The following CAV1 variants were observed in gnomAD, a reference collection of about 807,000 sequenced individuals.
The protein encoded by CAV1 is caveolin-1.
CAV1 carries 10 observed loss-of-function variants against 16.5 expected under a neutral mutation model. The ratio of observed to expected loss-of-function variants is 0.61; its 90% CI spans 0.37 to 1.03. The LOEUF (loss-of-function observed/expected upper bound fraction) is 1.03, where lower values mean the gene tolerates loss of function less well. CAV1 is among the 50% of genes least tolerant of loss of function. The probability of loss-of-function intolerance (pLI) is 0.01; values close to 1 mark genes in which losing one functional copy is unlikely to be tolerated. For missense variants in CAV1, 212 were observed against 232.8 expected, an observed-to-expected ratio of 0.91 and a Z score of 0.58; for synonymous variants, 76 against 85.1, an observed-to-expected ratio of 0.89 and a Z score of 0.59.
At chr7:116,536,872 G>A (rs917398715) in intron 2 of CAV1, among the ~76,000 whole-genome samples, 9 of 151,418 alleles carry the variant, frequency 5.9e-5, no homozygotes, top group Non-Finnish European at 1.2e-4. Flanking sequence ...GCGCGGTGGC[G>A]GGCGCCTGTA....
chr7:116,526,740 G>T, intron 2 of CAV1, 51 bp downstream of exon 2: 4 of 1,607,524 alleles, frequency 2.5e-6, no homozygotes, highest in Non-Finnish European at 3.4e-6. Flanking sequence ...TCCTCTGGCA[G>T]TTAGCCCGTG....
At chr7:116,527,117 T>G (rs1176355218) in intron 2 of CAV1, 1 of 272,570 alleles carries the variant, frequency 3.7e-6, no homozygotes, top group South Asian at 4.3e-5. Flanking sequence ...TCAGGTCTTG[T>G]GCTGAGGATG....
intron 2 of CAV1, among the ~76,000 whole-genome samples, chr7:116,546,688 ACT>A (rs1274448799): frequency 7.1e-6 from 1 of 140,186 alleles, no homozygotes; most frequent in Non-Finnish European, 1.5e-5. Flanking sequence ...CAAGAATGAG[ACT>A]CTGTCACAAA....
intron 2 of CAV1, among the ~76,000 whole-genome samples, chr7:116,544,627 A>G (rs1055934957): frequency 4.6e-5 from 7 of 152,232 alleles, no homozygotes; most frequent in Non-Finnish European, 1.0e-4. Context: ...CCAAGTGCAG[A>G]GTGCTGAAGG....
chr7:116,527,675 G>A (rs1562827256), intron 2 of CAV1, among the ~76,000 whole-genome samples: 1 of 152,156 alleles, frequency 6.6e-6, no homozygotes, highest in Non-Finnish European at 1.5e-5. Context: ...GGAGGGCTAA[G>A]GAAAAATCCT....
At chr7:116,528,063 A>G (rs977780316) in intron 2 of CAV1, among the ~76,000 whole-genome samples, 1 of 152,148 alleles carries the variant, frequency 6.6e-6, no homozygotes, top group Non-Finnish European at 1.5e-5. Context: ...AAGGGAGAGG[A>G]TATTTGTGTT....
At chr7:116,548,897 A>G (rs558062679) in intron 2 of CAV1, among the ~76,000 whole-genome samples, 1 of 152,316 alleles carries the variant, frequency 6.6e-6, no homozygotes, top group East Asian at 1.9e-4. Context: ...CAAGGCCCGT[A>G]AAAGGCTCTT....
chr7:116,546,702 A>AAAAAATAAAAAAAAAT lies in CAV1; in HGVS notation c.196-12239_196-12238insTAAAAAAAAATAAAAA, dbSNP rs1554356433. Among the ~76,000 whole-genome samples the AAAAAATAAAAAAAAAT allele has an allele frequency of 1.1e-3, 152 of 143,054 alleles. 7 individuals are homozygous for AAAAAATAAAAAAAAAT. The South Asian group carries it at 0.027, about 26-fold the overall frequency. The allele number at this position is 143,054 out of a possible 152,430, so 93.8% of individuals were successfully genotyped here. A position where few individuals can be genotyped will look rare whatever the true frequency, so the allele number is the denominator to read the frequency against. On this transcript the variant is annotated intron_variant, in intron 2 of 2. Coordinates refer to ENST00000341049, the MANE Select transcript of CAV1 (RefSeq NM_001753.5). The stretch of plus-strand genomic sequence containing the variant: ...ACAAGAATGAGACTCTGTCACAAAA[A>AAAAAATAAAAAAAAAT]AAAAAAAAAAAAGTCTGCAGGCTGC...
chr7:116,557,891 C>T (rs1308561626), intron 2 of CAV1, among the ~76,000 whole-genome samples: 1 of 152,176 alleles, frequency 6.6e-6, no homozygotes, highest in Non-Finnish European at 1.5e-5. Context: ...CCCACATCTT[C>T]CATAGACCCC....
At chr7:116,525,734 C>T in intron 1 of CAV1, 1 of 1,059,344 alleles carries the variant, frequency 9.4e-7, no homozygotes, top group Non-Finnish European at 1.2e-6. Flanking sequence ...CGTCTTCCAA[C>T]ACGTAGCTGC....
At chr7:116,545,559 G>A (rs530348092) in intron 2 of CAV1, among the ~76,000 whole-genome samples, 5 of 152,288 alleles carry the variant, frequency 3.3e-5, no homozygotes, top group Admixed American at 2.0e-4. Flanking sequence ...AGAAGCACTG[G>A]AGGAAAAAAT....
intron 1 of CAV1, chr7:116,526,269 G>A: frequency 8.0e-7 from 1 of 1,256,546 alleles, no homozygotes; most frequent in Non-Finnish European, 1.0e-6. Flanking sequence ...CTGGCGGCGG[G>A]CGGGGGAGGC....
chr7:116,525,483 T>C, intron 1 of CAV1: 2 of 1,297,564 alleles, frequency 1.5e-6, no homozygotes, highest in Non-Finnish European at 1.0e-6. Flanking sequence ...GGAGGTGTTA[T>C]TTACCCGAGT....
chr7:116,541,290 G>A (rs1047373920), intron 2 of CAV1, among the ~76,000 whole-genome samples: 9 of 152,078 alleles, frequency 5.9e-5, no homozygotes, highest in South Asian at 2.1e-4. Context: ...GGACTGTTTC[G>A]TGTAGGTGAT....
chr7:116,540,843 T>G (rs1793920758), intron 2 of CAV1, among the ~76,000 whole-genome samples: 1 of 152,194 alleles, frequency 6.6e-6, no homozygotes, highest in South Asian at 2.1e-4. Flanking sequence ...AGGATAGAGC[T>G]GTCATTTTTG....
chr7:116,534,765 T>C (rs1371124080), intron 2 of CAV1, among the ~76,000 whole-genome samples: 1 of 152,082 alleles, frequency 6.6e-6, no homozygotes, highest in Non-Finnish European at 1.5e-5. Context: ...GAGTTTCAAA[T>C]GATCGTTCTT....
rs1023790764 is a variant in CAV1, at chr7:116,560,263, T to C, written c.*976T>C. The C allele has an allele frequency of 3.7e-5, 6 of 162,924 alleles. No homozygotes were observed. Among genetic ancestry groups the C allele is most frequent in the African/African-American group, 1.4e-4 (6 of 41,940 alleles). The allele number at this position is 162,924 out of a possible 1,614,324, so 10.1% of individuals were successfully genotyped here. On this transcript the variant is annotated 3_prime_UTR_variant, in exon 3 of 3. Coordinates refer to ENST00000341049, the MANE Select transcript of CAV1 (RefSeq NM_001753.5). ...ATCAACTGAATGAGGTCAGCATGTC[T>C]ATTCAGCTTCGTTTATTTTCAAGAA...
chr7:116,525,140 G>C (rs763076035), intron 1 of CAV1, 48 bp downstream of exon 1: 2 of 1,614,110 alleles, frequency 1.2e-6, no homozygotes, highest in African/African-American at 1.3e-5. Flanking sequence ...GGGAGTGTCC[G>C]CTTCTGCTAT....
At position 116,534,388 on chromosome 7, in the gene CAV1, TATATATA is replaced by T. The variant is rs1384206763; in HGVS notation, c.195+7700_195+7706del. 2.6e-3 allele frequency among the ~76,000 whole-genome samples: 40 copies of T among 15,172 alleles called. 1 individual carries two copies. Among genetic ancestry groups the T allele is most frequent in the African/African-American group, 9.1e-3 (38 of 4,178 alleles). 10.0% of individuals were successfully genotyped at this position (15,172 alleles called of 152,430 possible). A position where few individuals can be genotyped will look rare whatever the true frequency, so the allele number is the denominator to read the frequency against. ...ATATATATATATATATATATATATA[TATATATA>T]TTTTTTTTTTTTTTTTTTTTTTGAG... is the stretch of plus-strand genomic sequence containing the variant. On this transcript the variant is annotated intron_variant, in intron 2 of 2. Coordinates refer to ENST00000341049, the MANE Select transcript of CAV1 (RefSeq NM_001753.5).
Sources: gnomAD v4.1 joint callset for allele counts (sites outside exome capture counted in the v4.1 genomes callset) on GRCh38, gnomAD v4.1.1 for gene constraint, MANE v1.5 for transcripts, NCBI Gene and HGNC (gene_info 2026-07-23, HGNC 2026-07-21) for gene names.